The following RNF150 variants were observed in gnomAD, a reference collection of about 807,000 sequenced individuals.
The protein encoded by RNF150 is ring finger protein 150.
A neutral mutation model predicts 39.3 loss-of-function variants in RNF150; 24 were observed. That is an observed-to-expected ratio of 0.61 (90% CI 0.44 to 0.86). The LOEUF (loss-of-function observed/expected upper bound fraction) is 0.86. Among genes scored for constraint, RNF150 ranks in the 40% least tolerant of loss-of-function variants. The pLI, the probability that RNF150 is intolerant of heterozygous loss-of-function variation, is 0.00. For missense variants in RNF150, 502 were observed against 587.8 expected (o/e 0.85, Z 1.51); for synonymous variants, 255 against 227.3 (o/e 1.12, Z -1.10).
At chr4:141,134,729 A>G (rs1267427988), upstream of RNF150, among the ~76,000 whole-genome samples, 4 of 152,222 alleles carry the variant, frequency 2.6e-5, no homozygotes, top group Non-Finnish European at 4.4e-5. Flanking sequence ...ATAGGCTTCT[A>G]GGCAATTGGG....
At chr4:141,153,594 C>T (rs1161601480) in intron 1 of RNF150, among the ~76,000 whole-genome samples, 1 of 152,040 alleles carries the variant, frequency 6.6e-6, no homozygotes, top group Non-Finnish European at 1.5e-5. Context: ...GTGTACTAAC[C>T]CACACAGTAA....
chr4:141,084,530 G>A (rs551214004), intron 1 of RNF150, among the ~76,000 whole-genome samples: 160 of 152,176 alleles, frequency 1.1e-3, no homozygotes, highest in Admixed American at 1.6e-3. Context: ...TCAAAATAAC[G>A]AAAAACACTT....
At chr4:141,042,812 T>C (rs189242336) in intron 1 of RNF150, among the ~76,000 whole-genome samples, 25 of 152,232 alleles carry the variant, frequency 1.6e-4, no homozygotes, top group African/African-American at 5.8e-4. Flanking sequence ...GGGTGATATC[T>C]GTCTTTTTGT....
At chr4:141,131,656 C>G (rs1457681081) in intron 1 of RNF150, among the ~76,000 whole-genome samples, 1 of 152,206 alleles carries the variant, frequency 6.6e-6, no homozygotes, top group African/African-American at 2.4e-5. Flanking sequence ...ACCTCCCAAT[C>G]AGGCAAAGGA....
At chr4:141,092,593 G>C (rs1437403731) in intron 1 of RNF150, among the ~76,000 whole-genome samples, 2 of 151,890 alleles carry the variant, frequency 1.3e-5, no homozygotes, top group Non-Finnish European at 2.9e-5. Context: ...AATACATCCT[G>C]AGGTGGTTAG....
intron 6 of RNF150, among the ~76,000 whole-genome samples, chr4:140,904,661 C>G (rs1379434296): frequency 2.0e-5 from 3 of 152,188 alleles, no homozygotes; most frequent in African/African-American, 4.8e-5. Context: ...GCAAATGTAG[C>G]AAAGTGTAGC....
chr4:140,865,941 T>C lies in RNF150; in HGVS notation c.*2320A>G, dbSNP rs1002761176. 4 of 152,246 alleles carry C rather than the reference T, an allele frequency of 2.6e-5. No homozygotes were observed. Among genetic ancestry groups the C allele is most frequent in the Non-Finnish European group, 4.4e-5 (3 of 68,050 alleles). 9.4% of individuals were successfully genotyped at this position (152,246 alleles called of 1,614,324 possible). A position where few individuals can be genotyped will look rare whatever the true frequency, so the allele number is the denominator to read the frequency against. On this transcript the variant is annotated 3_prime_UTR_variant, in exon 7 of 7. Coordinates refer to ENST00000515673, the MANE Select transcript of RNF150 (RefSeq NM_020724.2). ...ATACCAGTAATACTAAAATTTGTTT[T>C]GGGCAAAGCCGACTGAAGGAGGAGT...
chr4:141,181,760 G>T (rs1049435810), intron 1 of RNF150, among the ~76,000 whole-genome samples: 7 of 152,162 alleles, frequency 4.6e-5, no homozygotes, highest in Non-Finnish European at 8.8e-5. Flanking sequence ...CATATTTAAT[G>T]ATGTGCTAAT....
intron 1 of RNF150, among the ~76,000 whole-genome samples, chr4:141,206,807 A>T (rs903938259): frequency 6.6e-6 from 1 of 152,056 alleles, no homozygotes; most frequent in African/African-American, 2.4e-5. Flanking sequence ...GCCAGCAGGG[A>T]AGAGAGAAGC....
intron 1 of RNF150, among the ~76,000 whole-genome samples, chr4:141,084,194 C>A (rs781063187): frequency 3.3e-5 from 5 of 152,156 alleles, no homozygotes; most frequent in African/African-American, 1.2e-4. Flanking sequence ...ACCGTTTCCA[C>A]GACCTTGAGT....
At chr4:141,070,841 T>C (rs1467046548) in intron 1 of RNF150, among the ~76,000 whole-genome samples, 2 of 150,672 alleles carry the variant, frequency 1.3e-5, no homozygotes, top group Non-Finnish European at 1.5e-5. Flanking sequence ...TCAGGGATCT[T>C]GAACTAGAAA....
intron 1 of RNF150, among the ~76,000 whole-genome samples, chr4:141,189,224 T>A (rs2111199667): frequency 1.3e-5 from 2 of 152,322 alleles, no homozygotes; most frequent in Admixed American, 1.3e-4. Context: ...GTATTACCAG[T>A]GGAGGCTGCA....
chr4:141,169,355 C>T (rs547403959), intron 1 of RNF150, among the ~76,000 whole-genome samples: 52 of 152,232 alleles, frequency 3.4e-4, no homozygotes, highest in African/African-American at 1.2e-3. Context: ...CATCATATTT[C>T]CTGAACAGCC....
intron 5 of RNF150, among the ~76,000 whole-genome samples, chr4:140,915,680 A>T (rs537245789): frequency 6.6e-6 from 1 of 152,210 alleles, no homozygotes; most frequent in Non-Finnish European, 1.5e-5. Context: ...TCCCTGTCTG[A>T]CAGCTTTGAA....
At chr4:141,189,378 G>C (rs1728066735) in intron 1 of RNF150, among the ~76,000 whole-genome samples, 2 of 152,190 alleles carry the variant, frequency 1.3e-5, no homozygotes, top group Non-Finnish European at 2.9e-5. Flanking sequence ...ACAGGGCACA[G>C]GGACCCACTT....
intron 6 of RNF150, among the ~76,000 whole-genome samples, chr4:140,910,010 G>A (rs559358956): frequency 1.1e-4 from 17 of 152,124 alleles, no homozygotes; most frequent in African/African-American, 4.1e-4. Flanking sequence ...TAAACCAAAA[G>A]GTTAAGAGTG....
chr4:141,010,717 G>A (rs1003076054), intron 1 of RNF150, among the ~76,000 whole-genome samples: 3 of 152,178 alleles, frequency 2.0e-5, no homozygotes, highest in East Asian at 3.9e-4. Flanking sequence ...ATCCACACCC[G>A]CCGCTAACAG....
At chr4:140,946,743 C>T (rs1398661537) in intron 4 of RNF150, among the ~76,000 whole-genome samples, 3 of 152,116 alleles carry the variant, frequency 2.0e-5, no homozygotes, top group Admixed American at 6.6e-5. Flanking sequence ...TGGTCTCAAG[C>T]GATCCTCCTG....
chr4:141,195,193 A>C (rs1454993137), intron 1 of RNF150, among the ~76,000 whole-genome samples: 1 of 152,070 alleles, frequency 6.6e-6, no homozygotes, highest in Non-Finnish European at 1.5e-5. Context: ...ACGAGGAAAA[A>C]TACTCGATTA....
Sources: gnomAD v4.1 joint callset for allele counts (sites outside exome capture counted in the v4.1 genomes callset) on GRCh38, gnomAD v4.1.1 for gene constraint, MANE v1.5 for transcripts, NCBI Gene and HGNC (gene_info 2026-07-23, HGNC 2026-07-21) for gene names.